RIMS2: variants seen among roughly 807,000 people sequenced by gnomAD.
RIMS2 encodes the protein regulating synaptic membrane exocytosis protein 2.
Under a neutral mutation model 174.4 loss-of-function variants are expected in RIMS2, and 59 were observed. The observed-to-expected ratio is 0.34, with a 90% confidence interval of 0.27 to 0.42. RIMS2 has a LOEUF of 0.42. Among genes scored for constraint, RIMS2 ranks in the 10% least tolerant of loss-of-function variants. RIMS2 has a pLI of 1.00. For missense variants in RIMS2, 1,620 were observed against 1,666.3 expected (o/e 0.97, Z 0.48); for synonymous variants, 606 against 572.5 (o/e 1.06, Z -0.84).
At chr8:103,921,166 T>C (rs1441904826) in intron 9 of RIMS2, among the ~76,000 whole-genome samples, 1 of 152,296 alleles carries the variant, frequency 6.6e-6, no homozygotes, top group South Asian at 2.1e-4. Context: ...TGACAATAAA[T>C]ATTTAACATT....
chr8:103,794,649 C>T (rs1438645698), intron 3 of RIMS2, among the ~76,000 whole-genome samples: 1 of 152,116 alleles, frequency 6.6e-6, no homozygotes, highest in Non-Finnish European at 1.5e-5. Context: ...AAGAGGCAAC[C>T]TACAGAATGG....
chr8:103,878,563 T>C (rs1271338860), intron 3 of RIMS2, among the ~76,000 whole-genome samples: 1 of 150,324 alleles, frequency 6.7e-6, no homozygotes, highest in African/African-American at 2.5e-5. Flanking sequence ...GGCTCTGATA[T>C]CAGAGTGATA....
chr8:103,624,138 G>A (rs1483429790), intron 1 of RIMS2, among the ~76,000 whole-genome samples: 2 of 151,956 alleles, frequency 1.3e-5, no homozygotes, highest in Non-Finnish European at 2.9e-5. Flanking sequence ...ACTGGCCAAG[G>A]GGGGCCCAGA....
At chr8:104,033,522 T>G (rs1042400690) in intron 19 of RIMS2, among the ~76,000 whole-genome samples, 1 of 151,996 alleles carries the variant, frequency 6.6e-6, no homozygotes, top group South Asian at 2.1e-4. Context: ...TATTTTGACA[T>G]CTCAGAAACA....
chr8:104,196,378 C>G (rs1025689173), intron 19 of RIMS2, among the ~76,000 whole-genome samples: 1 of 152,050 alleles, frequency 6.6e-6, no homozygotes, highest in Admixed American at 6.5e-5. Context: ...AATGTCTTTC[C>G]TATGTTTAGC....
intron 3 of RIMS2, among the ~76,000 whole-genome samples, chr8:103,793,530 A>T (rs1322174434): frequency 6.6e-6 from 1 of 152,214 alleles, no homozygotes; most frequent in East Asian, 1.9e-4. Flanking sequence ...CAAGACAGGG[A>T]TGCCCTCTCT....
intron 1 of RIMS2, among the ~76,000 whole-genome samples, chr8:103,645,711 T>A (rs1461148522): frequency 1.3e-5 from 2 of 152,180 alleles, no homozygotes; most frequent in African/African-American, 4.8e-5. Flanking sequence ...CCAGTCTTAT[T>A]TCATTTTGAT....
intron 1 of RIMS2, among the ~76,000 whole-genome samples, chr8:103,611,435 A>T (rs2095363121): frequency 6.6e-6 from 1 of 151,800 alleles, no homozygotes; most frequent in Non-Finnish European, 1.5e-5. Flanking sequence ...TTGCCCATTA[A>T]CATTTGTGTT....
intron 19 of RIMS2, among the ~76,000 whole-genome samples, chr8:104,057,208 A>G (rs2096885245): frequency 6.6e-6 from 1 of 151,760 alleles, no homozygotes; most frequent in Non-Finnish European, 1.5e-5. Flanking sequence ...ATGGGACCAC[A>G]GGCACATGCT....
chr8:104,000,151 GT>G (rs1377109548), intron 17 of RIMS2, among the ~76,000 whole-genome samples: 3 of 151,308 alleles, frequency 2.0e-5, no homozygotes, highest in Non-Finnish European at 3.0e-5. Flanking sequence ...AAGTTCCTTT[GT>G]TTTTTTAAAA....
intron 1 of RIMS2, among the ~76,000 whole-genome samples, chr8:103,618,837 C>T (rs2134519413): frequency 6.6e-6 from 1 of 152,148 alleles, no homozygotes; most frequent in Middle Eastern, 3.4e-3. Context: ...GAGGGTAATG[C>T]AAGGATATTG....
intron 4 of RIMS2, among the ~76,000 whole-genome samples, chr8:103,896,400 C>T (rs1421392141): frequency 2.0e-5 from 3 of 151,532 alleles, no homozygotes; most frequent in Non-Finnish European, 4.4e-5. Context: ...ATGGAAGCAA[C>T]GCTAGGTAAG....
At chr8:103,852,041 T>C (rs918303956) in intron 3 of RIMS2, among the ~76,000 whole-genome samples, 10 of 152,014 alleles carry the variant, frequency 6.6e-5, no homozygotes, top group African/African-American at 2.2e-4. Flanking sequence ...TCTTCTCCCT[T>C]ACTCCAAGAC....
rs956543292 is a variant in RIMS2 at position 104,050,186 on chromosome 8, T to C, written c.3334+35571T>C. On this transcript the variant is annotated intron_variant, in intron 19 of 23. Coordinates refer to ENST00000504942, the Ensembl canonical transcript of RIMS2. ...AAGGTTATTTCTGAAATTCTTATTC[T>C]ACTATAAAGATATTTTATATTCCAA... Among the ~76,000 whole-genome samples the C allele has an allele frequency of 2.6e-5, 4 of 152,184 alleles. 1 individual carries two copies. Among genetic ancestry groups the C allele is most frequent in the Admixed American group, 2.0e-4 (3 of 15,274 alleles).
chr8:103,615,940 G>C (rs570087914), intron 1 of RIMS2, among the ~76,000 whole-genome samples: 43 of 152,084 alleles, frequency 2.8e-4, no homozygotes, highest in Non-Finnish European at 3.4e-4. Context: ...TCTACCAGAT[G>C]TCCAAAAAAG....
At chr8:103,798,255 T>C (rs2098568303) in intron 3 of RIMS2, among the ~76,000 whole-genome samples, 1 of 152,198 alleles carries the variant, frequency 6.6e-6, no homozygotes, top group South Asian at 2.1e-4. Context: ...TAACAAAATG[T>C]AATTTAGAAA....
At chr8:103,752,378 G>C (rs2097904789) in intron 2 of RIMS2, among the ~76,000 whole-genome samples, 1 of 152,166 alleles carries the variant, frequency 6.6e-6, no homozygotes, top group Non-Finnish European at 1.5e-5. Context: ...TAGAAGTCAG[G>C]TAGCGTGATG....
At chr8:104,152,565 A>C (rs1488430387) in intron 19 of RIMS2, among the ~76,000 whole-genome samples, 1 of 152,150 alleles carries the variant, frequency 6.6e-6, no homozygotes, top group Non-Finnish European at 1.5e-5. Flanking sequence ...CATAAGCTCC[A>C]AAAGTATTTG....
intron 1 of RIMS2, among the ~76,000 whole-genome samples, chr8:103,566,880 A>G (rs559086196): frequency 3.8e-4 from 58 of 152,304 alleles, no homozygotes; most frequent in Middle Eastern, 3.4e-3. Flanking sequence ...GTTGAGTTCA[A>G]TGCTTTCTAG....
Sources: allele counts gnomAD v4.1 joint callset (sites outside exome capture counted in the v4.1 genomes callset), GRCh38; gene constraint gnomAD v4.1.1; transcripts MANE v1.5; gene names NCBI Gene and HGNC (gene_info 2026-07-23, HGNC 2026-07-21).